The following PLSCR2 variants were observed in gnomAD, a reference collection of about 807,000 sequenced individuals.
PLSCR2 encodes the protein PL scramblase 2.
In PLSCR2, 18 loss-of-function variants were observed where a neutral mutation model predicts 25.3. The ratio of observed to expected loss-of-function variants is 0.71; its 90% CI spans 0.49 to 1.06. PLSCR2 has a LOEUF of 1.06. Ranked by LOEUF, PLSCR2 falls within the 50% of genes least tolerant of loss-of-function variation. The pLI is 0.00. For synonymous variants in PLSCR2, 88 were observed against 87.3 expected (o/e 1.01, Z -0.04); for missense variants, 243 against 269.5 (o/e 0.90, Z 0.69).
intron 2 of PLSCR2, among the ~76,000 whole-genome samples, chr3:146,417,880 TA>T (rs1208228841): frequency 1.3e-5 from 2 of 152,156 alleles, no homozygotes; most frequent in Non-Finnish European, 2.9e-5. Context: ...AAGTATCAAT[TA>T]AAAAAATCAA....
chr3:146,426,912 G>A (rs994638951), intron 2 of PLSCR2, among the ~76,000 whole-genome samples: 1 of 152,092 alleles, frequency 6.6e-6, no homozygotes, highest in Non-Finnish European at 1.5e-5. Context: ...GAAAGACAAG[G>A]TAGAACAGCA....
chr3:146,492,653 A>G (rs1026730075), intron 1 of PLSCR2, among the ~76,000 whole-genome samples: 2 of 152,100 alleles, frequency 1.3e-5, no homozygotes, highest in African/African-American at 4.8e-5. Flanking sequence ...AGAAGTAGGA[A>G]GGGGAAAGTT....
chr3:146,477,282 G>A (rs570698951), intron 1 of PLSCR2, among the ~76,000 whole-genome samples: 22 of 152,280 alleles, frequency 1.4e-4, no homozygotes, highest in South Asian at 6.2e-4. Context: ...AGGGCAGAGC[G>A]TTACCTCACC....
At chr3:146,429,923 G>C (rs1303070074), downstream of PLSCR2, among the ~76,000 whole-genome samples, 1 of 152,122 alleles carries the variant, frequency 6.6e-6, no homozygotes, top group Non-Finnish European at 1.5e-5. Flanking sequence ...TTGACTTCCA[G>C]GGAAGGGGTG....
At chr3:146,398,298 T>C in intron 2 of PLSCR2, among the ~76,000 whole-genome samples, 1 of 151,990 alleles carries the variant, frequency 6.6e-6, no homozygotes. Context: ...TTCAAAGTTT[T>C]ATAAAAAGCA....
intron 2 of PLSCR2, among the ~76,000 whole-genome samples, chr3:146,425,833 GA>G (rs1247263304): frequency 1.9e-4 from 29 of 152,276 alleles, no homozygotes; most frequent in African/African-American, 7.0e-4. Context: ...CCTATTATTT[GA>G]AACTGGAGAA....
intron 5 of PLSCR2, among the ~76,000 whole-genome samples, chr3:146,450,017 A>G (rs1261632479): frequency 6.6e-6 from 1 of 152,204 alleles, no homozygotes; most frequent in Non-Finnish European, 1.5e-5. Flanking sequence ...CTCCAATGTA[A>G]AACTTTTCTA....
At chr3:146,460,066 C>A (rs933241316) in exon 2 of PLSCR2, 1 of 1,555,914 alleles carries the variant, frequency 6.4e-7, no homozygotes, top group Non-Finnish European at 8.7e-7. Flanking sequence ...TTAGGGTAGA[C>A]AATATGTCCG....
In PLSCR2 at chr3:146,402,015, G is replaced by C. The variant is rs569632737; in HGVS notation, c.101-6094C>G. Among the ~76,000 whole-genome samples, 13 of 151,760 alleles carry C rather than the reference G, an allele frequency of 8.6e-5. No individual in the cohort carries two copies. The East Asian group carries it at 2.3e-3, about 27-fold the overall frequency. On this transcript the variant is annotated intron_variant and NMD_transcript_variant, in intron 2 of 3. Coordinates refer to the PLSCR2 transcript ENST00000463633. ...GATAATAATCAAATTTACCCCTTTT[G>C]CAAGCAAATAAGAATATTATTATCT... is the stretch of plus-strand genomic sequence containing the variant.
At position 146,477,922 on chromosome 3, in the gene PLSCR2, T is replaced by C. The variant is rs374320191; in HGVS notation, c.-292-17638A>G. ...GGCAGCAATATTTGCTGTTCTGCAA[T>C]ATTTACTGTTCTGCAGCCTCCACTG... On this transcript the variant is annotated intron_variant, in intron 1 of 8. Transcript: ENST00000336685. 3.3e-5 allele frequency among the ~76,000 whole-genome samples: 5 copies of C among 152,170 alleles called. No homozygotes were observed. The East Asian group carries it at 7.7e-4, about 23-fold the overall frequency.
chr3:146,417,207 C>T (rs970620868), intron 2 of PLSCR2, among the ~76,000 whole-genome samples: 2 of 152,050 alleles, frequency 1.3e-5, no homozygotes, highest in Admixed American at 1.3e-4. Context: ...ATCTACAAAC[C>T]CTGTTTCCAG....
chr3:146,396,580 C>G (rs1172363626), intron 2 of PLSCR2, among the ~76,000 whole-genome samples: 2 of 152,062 alleles, frequency 1.3e-5, no homozygotes, highest in Non-Finnish European at 1.5e-5. Flanking sequence ...ATCATTTAAG[C>G]TGAGACTTAG....
chr3:146,454,231 TTTACTG>T (rs2041069743), intron 4 of PLSCR2, 68 bp from the exon 5 acceptor site: 2 of 1,118,890 alleles, frequency 1.8e-6, no homozygotes, highest in Non-Finnish European at 2.5e-6. Flanking sequence ...ATAGCTCTAA[TTTACTG>T]AGCATTTCCT....
Position 146,392,440 on chromosome 3 carries a change from C to T in PLSCR2, c.*146-878G>A, listed in dbSNP as rs149571744. On this transcript the variant is annotated intron_variant and NMD_transcript_variant, in intron 3 of 3. Coordinates refer to the PLSCR2 transcript ENST00000463633. ...TGCTTCTCTTGTGTGTTTTTGGAGA[C>T]GCTTTCTTAAGTTTAGTGGTTTTTA... Among the ~76,000 whole-genome samples the T allele has an allele frequency of 8.8e-3, 1,332 of 151,848 alleles. 29 individuals are homozygous for T. The highest frequency in any genetic ancestry group is 0.052 in the Middle Eastern group (15 of 286).
At chr3:146,484,728 A>G (rs1032719325) in intron 1 of PLSCR2, among the ~76,000 whole-genome samples, 3 of 152,136 alleles carry the variant, frequency 2.0e-5, no homozygotes, top group African/African-American at 4.8e-5. Flanking sequence ...TTCCTTTCAG[A>G]GAAGCAAATG....
At chr3:146,478,138 A>G (rs1257844055) in intron 1 of PLSCR2, among the ~76,000 whole-genome samples, 1 of 151,940 alleles carries the variant, frequency 6.6e-6, no homozygotes, top group Non-Finnish European at 1.5e-5. Context: ...AAAGATAGGG[A>G]GAAACCAAAG....
chr3:146,458,106 A>G (rs758682254), intron 3 of PLSCR2, among the ~76,000 whole-genome samples: 9 of 152,228 alleles, frequency 5.9e-5, no homozygotes, highest in Non-Finnish European at 1.3e-4. Context: ...AATAGTGACA[A>G]GGAAAAAGAA....
At chr3:146,471,761 T>G (rs2042128161) in intron 1 of PLSCR2, among the ~76,000 whole-genome samples, 1 of 152,136 alleles carries the variant, frequency 6.6e-6, no homozygotes, top group Non-Finnish European at 1.5e-5. Context: ...GAGATGGGGT[T>G]TCCCCATGTT....
intron 2 of PLSCR2, among the ~76,000 whole-genome samples, chr3:146,424,529 G>A (rs139201343): frequency 6.6e-6 from 1 of 152,116 alleles, no homozygotes; most frequent in Admixed American, 6.6e-5. Context: ...GTTTGTGGTA[G>A]ATGGTTATGC....
Sources: allele counts gnomAD v4.1 joint callset (sites outside exome capture counted in the v4.1 genomes callset), GRCh38; gene constraint gnomAD v4.1.1; transcripts MANE v1.5; gene names NCBI Gene and HGNC (gene_info 2026-07-23, HGNC 2026-07-21).